Variants in OSTM1 observed in about 807,000 individuals in gnomAD.
The protein encoded by OSTM1 is osteopetrosis-associated transmembrane protein 1.
OSTM1 carries 26 observed loss-of-function variants against 35.4 expected under a neutral mutation model. The observed-to-expected ratio is 0.73, with a 90% CI of 0.54 to 1.02. The LOEUF is 1.02. OSTM1 is among the 50% of genes least tolerant of loss of function. The pLI, the probability that OSTM1 is intolerant of heterozygous loss-of-function variation, is 0.00. For missense variants in OSTM1, 366 were observed against 409.6 expected (o/e 0.89, Z 0.92); for synonymous variants, 181 against 165.0 (o/e 1.10, Z -0.75).
intron 1 of OSTM1, among the ~76,000 whole-genome samples, chr6:108,067,015 C>G (rs78305555): frequency 0.034 from 5,249 of 152,238 alleles, 95 homozygotes; most frequent in African/African-American, 0.059. Context: ...TTTGATCATG[C>G]CTGCACCCAG....
At chr6:108,070,648 G>T (rs1282590134) in intron 1 of OSTM1, among the ~76,000 whole-genome samples, 1 of 152,098 alleles carries the variant, frequency 6.6e-6, no homozygotes, top group African/African-American at 2.4e-5. Flanking sequence ...CCAGCACTCT[G>T]GGAGGCCGAG....
rs1287402427 is a variant in OSTM1 at position 108,042,671 on chromosome 6, C to T, written c.*2114G>A. 6.6e-6 allele frequency: 1 copy of T among 152,056 alleles called. No homozygotes were observed. Among genetic ancestry groups the T allele is most frequent in the African/African-American group, 2.4e-5 (1 of 41,400 alleles). The allele number at this position is 152,056 out of a possible 1,614,324, so 9.4% of individuals were successfully genotyped here. ...GCTCCAGCGATCTGCTTCAGCCTCCCAAAGTGCTGCAAATACAGGTATGAG... is the reference window on the plus strand; with the variant it reads ...GCTCCAGCGATCTGCTTCAGCCTCCTAAAGTGCTGCAAATACAGGTATGAG... On this transcript the variant is annotated 3_prime_UTR_variant, in exon 6 of 6. Coordinates refer to ENST00000193322, the MANE Select transcript of OSTM1 (RefSeq NM_014028.4).
intron 5 of OSTM1, among the ~76,000 whole-genome samples, chr6:108,045,575 T>TA (rs555837523): frequency 5.2e-4 from 78 of 149,442 alleles, no homozygotes; most frequent in Middle Eastern, 3.4e-3. Flanking sequence ...CTCTGTATTG[T>TA]AAAAAAAAAA....
Position 108,044,595 on chromosome 6 carries a change from A to T in OSTM1, c.*190T>A. 1 of 476,200 alleles carries T rather than the reference A, an allele frequency of 2.1e-6. No homozygotes were observed. The highest frequency in any genetic ancestry group is 3.3e-5 in the East Asian group (1 of 30,602). The allele number at this position is 476,200 out of a possible 1,614,324, so 29.5% of individuals were successfully genotyped here. On this transcript the variant is annotated 3_prime_UTR_variant, in exon 6 of 6. Transcript: ENST00000193322. ...ACATTGCTATGCCTGGAAATTAAAA[A>T]TATCCAAATCTGTTAGAAAGAAGTG...
Position 108,054,523 on chromosome 6 carries a change from A to T in OSTM1, c.582T>A (p.Asn194Lys), listed in dbSNP as rs140083914. The change falls in exon 3 of 6, where the codon AAT (asparagine) becomes AAA (lysine). Residue 194 changes from asparagine (N) to lysine (K), a missense_variant. Physicochemically the swap from Asn to Lys is moderately conservative, Grantham distance 94. Transcript: ENST00000193322. ...TATGTTCAAAGCAGGTCAGGGTGTG[A>T]TTAAATAGATTAAGGAAATATACTG... The part of the protein sequence containing the change: ...NSTVYFLNLF[N>K]HTLTCFEHNL... 6.4e-7 allele frequency: 1 copy of T among 1,554,214 alleles called. No individual in the cohort carries two copies. The highest frequency in any genetic ancestry group is 1.4e-5 in the African/African-American group (1 of 73,802).
intron 5 of OSTM1, among the ~76,000 whole-genome samples, chr6:108,046,309 C>T (rs1024743929): frequency 3.4e-5 from 5 of 148,240 alleles, no homozygotes; most frequent in African/African-American, 5.0e-5. Flanking sequence ...CGTGAGCCAC[C>T]GTGCCTGGCC....
intron 5 of OSTM1, among the ~76,000 whole-genome samples, chr6:108,046,347 CTT>C (rs780366857): frequency 3.4e-5 from 4 of 116,080 alleles, no homozygotes; most frequent in Admixed American, 8.7e-5. Flanking sequence ...TCTTTTTTTT[CTT>C]TTTTTTTTTT....
At chr6:108,045,591 A>G (rs538651319) in intron 5 of OSTM1, among the ~76,000 whole-genome samples, 17 of 152,256 alleles carry the variant, frequency 1.1e-4, no homozygotes, top group Non-Finnish European at 1.8e-4. Flanking sequence ...AAAAATTTTA[A>G]TGATCCTCAA....
intron 1 of OSTM1, among the ~76,000 whole-genome samples, chr6:108,073,056 T>C (rs528074799): frequency 6.6e-6 from 1 of 152,334 alleles, no homozygotes; most frequent in South Asian, 2.1e-4. Context: ...GTGATCCCCC[T>C]GCCTCAGCCT....
chr6:108,051,945 T>C (rs1772080954), intron 3 of OSTM1, among the ~76,000 whole-genome samples: 1 of 152,226 alleles, frequency 6.6e-6, no homozygotes, highest in Admixed American at 6.5e-5. Flanking sequence ...TTCTTTACTT[T>C]GTAGTATGAA....
At chr6:108,074,200 C>T (rs753811046) in intron 1 of OSTM1, 50 bp downstream of exon 1, 25 of 1,589,158 alleles carry the variant, frequency 1.6e-5, no homozygotes, top group Non-Finnish European at 1.9e-5. Flanking sequence ...ACACCCTCCT[C>T]CTTTCCCAAC....
intron 1 of OSTM1, among the ~76,000 whole-genome samples, chr6:108,065,650 G>C (rs1272907189): frequency 6.6e-6 from 1 of 152,118 alleles, no homozygotes; most frequent in African/African-American, 2.4e-5. Context: ...TTCAAAATCA[G>C]GGGTCCTACA....
At chr6:108,068,486 TATTC>T (rs1002796332) in intron 1 of OSTM1, among the ~76,000 whole-genome samples, 1 of 152,136 alleles carries the variant, frequency 6.6e-6, no homozygotes, top group African/African-American at 2.4e-5. Flanking sequence ...ATGACAACCC[TATTC>T]ATTAAGCTGC....
rs748297698 is a variant in OSTM1 at position 108,074,245 on chromosome 6, C to T, written c.402+5G>A. 3.1e-6 allele frequency: 5 copies of T among 1,611,778 alleles called. No homozygotes were observed. The highest frequency in any genetic ancestry group is 1.1e-5 in the South Asian group (1 of 90,922). Reference sequence around the variant, plus strand: ...CCACAGTCCCGGACGTGGTCCTGTACCCACCCCCGCGGCTCGGCTGATGTT... The same window carrying T: ...CCACAGTCCCGGACGTGGTCCTGTATCCACCCCCGCGGCTCGGCTGATGTT... On this transcript the variant is annotated splice_donor_5th_base_variant and intron_variant, in intron 1 of 5. Transcript: ENST00000193322.
At position 108,074,722 on chromosome 6, in the gene OSTM1, C is replaced by T; in HGVS notation, c.-71G>A. ...CCCAGCCGGCACCGCGGACAGCCGC[C>T]GCTTCCGGTTTCCGCGAGCGCAGGC... On this transcript the variant is annotated 5_prime_UTR_variant, in exon 1 of 6. Transcript: ENST00000193322. 2.1e-6 allele frequency: 3 copies of T among 1,416,104 alleles called. 1 individual carries two copies. In the South Asian group the frequency reaches 4.3e-5, roughly 21 times the overall value. 87.7% of individuals were successfully genotyped at this position (1,416,104 alleles called of 1,614,324 possible).
intron 4 of OSTM1, chr6:108,049,747 C>A: frequency 8.8e-6 from 2 of 226,552 alleles, no homozygotes; most frequent in Non-Finnish European, 8.6e-6. Context: ...TATTCATTTA[C>A]AAAATATTTA....
At chr6:108,058,539 A>C (rs1251560433) in intron 2 of OSTM1, among the ~76,000 whole-genome samples, 1 of 152,258 alleles carries the variant, frequency 6.6e-6, no homozygotes, top group Non-Finnish European at 1.5e-5. Context: ...CTGTAATCCC[A>C]GCACTTTGGG....
chr6:108,064,272 T>A lies in OSTM1; in HGVS notation c.430A>T (p.Arg144Ter). The A allele has an allele frequency of 6.3e-7, 1 of 1,592,234 alleles. No individual in the cohort carries two copies. The highest frequency in any genetic ancestry group is 8.6e-7 in the Non-Finnish European group (1 of 1,163,176). Residue 144 changes from arginine to a stop codon, truncating the protein, a stop_gained, in exon 2 of 6, where the codon AGA becomes TGA. Transcript: ENST00000193322. LOFTEE classifies it high-confidence loss of function. ...GNTSESQSCARSLLMADRMQI... is the reference protein window; with the variant it reads ...GNTSESQSCA ...ATTCTATCTGCCATTAAGAGACTTC[T>A]GGCACAACTCTGACTCTCTGAAGTA...
At chr6:108,045,246 A>T (rs1771947190) in intron 5 of OSTM1, among the ~76,000 whole-genome samples, 1 of 152,240 alleles carries the variant, frequency 6.6e-6, no homozygotes, top group East Asian at 1.9e-4. Flanking sequence ...AAACTTCCCC[A>T]ACCTGATAAA....
Sources: allele counts gnomAD v4.1 joint callset (sites outside exome capture counted in the v4.1 genomes callset), GRCh38; gene constraint gnomAD v4.1.1; transcripts MANE v1.5; gene names NCBI Gene and HGNC (gene_info 2026-07-23, HGNC 2026-07-21).